PTPRD: variants seen among roughly 807,000 people sequenced by gnomAD.
PTPRD encodes protein tyrosine phosphatase receptor type D.
PTPRD carries 34 observed loss-of-function variants against 214.5 expected under a neutral mutation model. The observed-to-expected ratio is 0.16, with a 90% CI of 0.12 to 0.21. PTPRD has a LOEUF of 0.21. PTPRD is among the 10% of genes least tolerant of loss of function. PTPRD has a pLI of 1.00. For missense variants in PTPRD, 2,545 were observed against 2,398.7 expected, an observed-to-expected ratio of 1.06 and a Z score of -1.27; for synonymous variants, 1,128 against 845.7, an observed-to-expected ratio of 1.33 and a Z score of -5.79.
intron 3 of PTPRD, among the ~76,000 whole-genome samples, chr9:10,252,569 G>C (rs552975299): frequency 6.6e-5 from 10 of 151,916 alleles, no homozygotes; most frequent in Non-Finnish European, 1.5e-4. Context: ...TTATTATTCT[G>C]ATATTATATA....
chr9:10,068,255 T>C (rs1050897239), intron 3 of PTPRD, among the ~76,000 whole-genome samples: 3 of 151,844 alleles, frequency 2.0e-5, no homozygotes, highest in African/African-American at 4.8e-5. Flanking sequence ...GATAACCGAA[T>C]GTGGAAAAGG....
rs554964664 is a variant in PTPRD, at chr9:9,453,023, T to TTA, written c.-236-55542_-236-55541insTA. Among the ~76,000 whole-genome samples the TTA allele has an allele frequency of 1.9e-3, 202 of 108,720 alleles. 4 individuals carry two copies. The highest frequency in any genetic ancestry group is 5.4e-3 in the East Asian group (27 of 4,968). The allele number at this position is 108,720 out of a possible 152,430, so 71.3% of individuals were successfully genotyped here. A position where few individuals can be genotyped will look rare whatever the true frequency, so the allele number is the denominator to read the frequency against. On this transcript the variant is annotated intron_variant, in intron 8 of 45. Transcript: ENST00000381196. ...ACATTTAACTGAAGCCTATTTTATTTTTTTTTTTTGCTCCATATACATACT... is the reference window on the plus strand; with the variant it reads ...ACATTTAACTGAAGCCTATTTTATTTTATTTTTTTTTGCTCCATATACATACT...
At chr9:9,178,475 C>A (rs1296324144) in intron 10 of PTPRD, among the ~76,000 whole-genome samples, 1 of 151,854 alleles carries the variant, frequency 6.6e-6, no homozygotes, top group African/African-American at 2.4e-5. Flanking sequence ...CTTTTATTAT[C>A]TTGGGCAGGA....
intron 2 of PTPRD, among the ~76,000 whole-genome samples, chr9:10,568,428 C>A (rs1212549538): frequency 6.6e-6 from 1 of 151,906 alleles, no homozygotes; most frequent in African/African-American, 2.4e-5. Flanking sequence ...AATAAACATA[C>A]GTGTGCATGT....
chr9:9,706,712 T>C (rs1037812656), intron 7 of PTPRD, among the ~76,000 whole-genome samples: 6 of 152,068 alleles, frequency 3.9e-5, no homozygotes, highest in Non-Finnish European at 8.8e-5. Context: ...AGTGCTAGCA[T>C]TGCAGGCATG....
chr9:8,670,619 A>C (rs930183396), intron 12 of PTPRD, among the ~76,000 whole-genome samples: 1 of 152,168 alleles, frequency 6.6e-6, no homozygotes, highest in African/African-American at 2.4e-5. Flanking sequence ...CTAAACTTTA[A>C]ATATGCATAA....
intron 17 of PTPRD, among the ~76,000 whole-genome samples, chr9:8,526,270 G>GAAA (rs201112247): frequency 0.16 from 13,429 of 86,628 alleles, 715 homozygotes; most frequent in South Asian, 0.23. Context: ...GGAAAAAGAA[G>GAAA]AAAAAAAAAA....
Position 9,816,202 on chromosome 9 carries a change from A to C in PTPRD, c.-367-49351T>G, listed in dbSNP as rs545180876. Reference sequence around the variant, plus strand: ...TTTTCTTGGCTAGTCTGAAAGAAGCAGACAATTTTCATGTTTAAAGTTCTA... The same window carrying C: ...TTTTCTTGGCTAGTCTGAAAGAAGCCGACAATTTTCATGTTTAAAGTTCTA... On this transcript the variant is annotated intron_variant, in intron 5 of 45. Coordinates refer to ENST00000381196, the MANE Select transcript of PTPRD (RefSeq NM_002839.4). 9.2e-5 allele frequency among the ~76,000 whole-genome samples: 14 copies of C among 152,324 alleles called. No homozygotes were observed. The East Asian group carries it at 2.3e-3, about 25-fold the overall frequency.
intron 14 of PTPRD, among the ~76,000 whole-genome samples, chr9:8,609,277 T>C (rs1395865737): frequency 1.3e-5 from 2 of 152,194 alleles, no homozygotes; most frequent in African/African-American, 4.8e-5. Context: ...GTGGCAGCAC[T>C]GGACAGGGTG....
intron 9 of PTPRD, among the ~76,000 whole-genome samples, chr9:9,294,852 T>A (rs1316550760): frequency 1.3e-5 from 2 of 151,780 alleles, no homozygotes; most frequent in Non-Finnish European, 2.9e-5. Flanking sequence ...AAATTTTAAA[T>A]TTATAAGCTT....
At chr9:10,100,650 A>T (rs1242056634) in intron 3 of PTPRD, among the ~76,000 whole-genome samples, 2 of 151,646 alleles carry the variant, frequency 1.3e-5, no homozygotes, top group Non-Finnish European at 3.0e-5. Flanking sequence ...ATGGTAACAG[A>T]AATAAAAATT....
chr9:9,499,043 T>C (rs937710933), intron 8 of PTPRD, among the ~76,000 whole-genome samples: 5 of 152,062 alleles, frequency 3.3e-5, no homozygotes, highest in African/African-American at 1.2e-4. Context: ...AGAGTAGACA[T>C]TGTAGCCATT....
intron 3 of PTPRD, among the ~76,000 whole-genome samples, chr9:10,227,227 G>T (rs777195395): frequency 5.9e-4 from 90 of 152,092 alleles, no homozygotes; most frequent in South Asian, 6.2e-4. Context: ...AGTGTGAGAG[G>T]ATGTGAAATT....
chr9:9,148,326 T>C (rs560632722), intron 10 of PTPRD, among the ~76,000 whole-genome samples: 1 of 152,328 alleles, frequency 6.6e-6, no homozygotes, highest in South Asian at 2.1e-4. Context: ...TAAGAAGGCT[T>C]ATCACTTGGT....
chr9:10,069,964 T>C (rs1026282393), intron 3 of PTPRD, among the ~76,000 whole-genome samples: 1 of 152,082 alleles, frequency 6.6e-6, no homozygotes, highest in Non-Finnish European at 1.5e-5. Context: ...TTTCAAAATA[T>C]GTGCCATGAA....
chr9:9,045,094 C>G (rs576492030), intron 10 of PTPRD, among the ~76,000 whole-genome samples: 5 of 152,158 alleles, frequency 3.3e-5, no homozygotes, highest in African/African-American at 1.2e-4. Flanking sequence ...AACCAACTAA[C>G]TAGACGTGTT....
At chr9:8,852,923 G>T (rs1490370856) in intron 11 of PTPRD, among the ~76,000 whole-genome samples, 1 of 152,188 alleles carries the variant, frequency 6.6e-6, no homozygotes, top group Non-Finnish European at 1.5e-5. Context: ...GGGAGGCACT[G>T]CAGGCATTGT....
chr9:9,674,796 T>A (rs892663888), intron 7 of PTPRD, among the ~76,000 whole-genome samples: 5 of 151,832 alleles, frequency 3.3e-5, no homozygotes, highest in Non-Finnish European at 5.9e-5. Flanking sequence ...TAAAAAGATT[T>A]TGATACATAT....
At chr9:9,293,359 TTTACATACTCCCATCA>T (rs1951830058) in intron 9 of PTPRD, among the ~76,000 whole-genome samples, 1 of 151,266 alleles carries the variant, frequency 6.6e-6, no homozygotes, top group South Asian at 2.1e-4. Context: ...CTATATTCCT[TTTACATACTCCCATCA>T]TTGTTTGTTT....
Sources: allele counts gnomAD v4.1 joint callset (sites outside exome capture counted in the v4.1 genomes callset), GRCh38; gene constraint gnomAD v4.1.1; transcripts MANE v1.5; gene names NCBI Gene and HGNC (gene_info 2026-07-23, HGNC 2026-07-21).